Variants in ZNF239 observed in about 807,000 individuals in gnomAD.
ZNF239 encodes the protein zinc finger protein (C2H2) homologous to mouse MOK-2.
In ZNF239, 16 loss-of-function variants were observed where a neutral mutation model predicts 27.5. The ratio of observed to expected loss-of-function variants is 0.58; its 90% CI spans 0.39 to 0.88. ZNF239 has a LOEUF of 0.88. ZNF239 is among the 40% of genes least tolerant of loss of function. The probability of loss-of-function intolerance (pLI) is 0.00; values close to 1 mark genes in which losing one functional copy is unlikely to be tolerated. For synonymous variants in ZNF239, 199 were observed against 192.6 expected (o/e 1.03, Z -0.27); for missense variants, 527 against 551.9 (o/e 0.95, Z 0.45).
chr10:43,562,505 C>G (rs999633255), intron 3 of ZNF239, among the ~76,000 whole-genome samples: 1 of 152,096 alleles, frequency 6.6e-6, no homozygotes. Flanking sequence ...TCACTGTGCA[C>G]GTTTTATATT....
At chr10:43,574,341 C>T (rs1222669666) in intron 1 of ZNF239, among the ~76,000 whole-genome samples, 199 bp downstream of exon 1, 1 of 152,174 alleles carries the variant, frequency 6.6e-6, no homozygotes, top group Non-Finnish European at 1.5e-5. Flanking sequence ...GCAGCCCGGC[C>T]CCGGGGGCGC....
intron 2 of ZNF239, chr10:43,568,558 C>T (rs1035976322): frequency 8.4e-6 from 6 of 717,680 alleles, no homozygotes; most frequent in African/African-American, 1.9e-5. Flanking sequence ...CTCTTCTAAA[C>T]TAAGTAGTTG....
chr10:43,562,735 G>A lies in ZNF239; in HGVS notation c.-92-4564C>T, dbSNP rs866963312. The stretch of plus-strand genomic sequence containing the variant: ...TGTCCACACAACTTGTTTTACCCAG[G>A]TGAGTGTATCACTTTGTTTATAAAT... On this transcript the variant is annotated intron_variant, in intron 3 of 3. Transcript: ENST00000374446. 3.9e-5 allele frequency among the ~76,000 whole-genome samples: 6 copies of A among 152,270 alleles called. No individual in the cohort carries two copies. The South Asian group carries it at 8.3e-4, about 21-fold the overall frequency.
intron 2 of ZNF239, among the ~76,000 whole-genome samples, chr10:43,568,856 C>T: frequency 6.6e-6 from 1 of 152,152 alleles, no homozygotes; most frequent in East Asian, 1.9e-4. Context: ...TCGAGACCAG[C>T]CTGGCCAACA....
At chr10:43,571,550 GC>G (rs1262081501) in intron 2 of ZNF239, among the ~76,000 whole-genome samples, 1 of 151,934 alleles carries the variant, frequency 6.6e-6, no homozygotes, top group Non-Finnish European at 1.5e-5. Context: ...AAGGATAGGG[GC>G]TACACTCAAC....
intron 2 of ZNF239, among the ~76,000 whole-genome samples, chr10:43,572,028 G>A (rs60743321): frequency 0.012 from 1,891 of 152,238 alleles, 37 homozygotes; most frequent in African/African-American, 0.044. Context: ...TCATAAGGGC[G>A]AAGTGACTTA....
At chr10:43,565,755 C>T (rs1278870499) in intron 3 of ZNF239, among the ~76,000 whole-genome samples, 1 of 122,922 alleles carries the variant, frequency 8.1e-6, no homozygotes. Context: ...GCGGAGGTGG[C>T]AGTGAGCCCA....
chr10:43,571,846 C>T (rs2132310542), intron 2 of ZNF239, among the ~76,000 whole-genome samples: 1 of 152,242 alleles, frequency 6.6e-6, no homozygotes, highest in East Asian at 1.9e-4. Context: ...TGTGAGCCAC[C>T]ATGTCTGGCC....
At chr10:43,567,844 G>A (rs1232256426) in intron 3 of ZNF239, 55 bp downstream of exon 3, 2 of 915,766 alleles carry the variant, frequency 2.2e-6, no homozygotes, top group African/African-American at 3.6e-5. Flanking sequence ...CAAAAAGGAA[G>A]TAGGAAACAA....
chr10:43,559,915 G>A (rs1002464630), intron 3 of ZNF239, among the ~76,000 whole-genome samples: 4 of 152,114 alleles, frequency 2.6e-5, no homozygotes, highest in African/African-American at 7.2e-5. Flanking sequence ...TTCTTCGTGG[G>A]TAAAACATCC....
chr10:43,570,974 A>C (rs1837994803), intron 2 of ZNF239: 1 of 985,146 alleles, frequency 1.0e-6, no homozygotes, highest in African/African-American at 1.7e-5. Context: ...AAGGGAAAGG[A>C]GAAAAGGAAA....
In ZNF239 at chr10:43,556,598, C is replaced by T; in HGVS notation, c.*105G>A. On this transcript the variant is annotated 3_prime_UTR_variant, in exon 4 of 4. Transcript: ENST00000374446. The stretch of plus-strand genomic sequence containing the variant: ...TCAGTGAGGGAACATATCTAAATAA[C>T]CCTTACATCTCTCTCCTTTGTAGAA... The T allele has an allele frequency of 1.4e-6, 2 of 1,403,066 alleles. No individual in the cohort carries two copies. Among genetic ancestry groups the T allele is most frequent in the East Asian group, 2.3e-5 (1 of 42,728 alleles). 86.9% of individuals were successfully genotyped at this position (1,403,066 alleles called of 1,614,324 possible). A position where few individuals can be genotyped will look rare whatever the true frequency, so the allele number is the denominator to read the frequency against.
intron 3 of ZNF239, among the ~76,000 whole-genome samples, chr10:43,559,500 G>GC (rs887278391): frequency 6.6e-6 from 1 of 152,164 alleles, no homozygotes; most frequent in Non-Finnish European, 1.5e-5. Flanking sequence ...GATAGGAAAT[G>GC]CAACAGGAAG....
chr10:43,559,922 A>T (rs1035311497), intron 3 of ZNF239, among the ~76,000 whole-genome samples: 1 of 152,230 alleles, frequency 6.6e-6, no homozygotes. Flanking sequence ...TGGGTAAAAC[A>T]TCCTAAGAAA....
intron 3 of ZNF239, among the ~76,000 whole-genome samples, chr10:43,562,372 A>C (rs1837317281): frequency 6.6e-6 from 1 of 152,332 alleles, no homozygotes; most frequent in African/African-American, 2.4e-5. Flanking sequence ...TCCAACTTAG[A>C]GTTTTACTCT....
intron 2 of ZNF239, among the ~76,000 whole-genome samples, chr10:43,572,092 A>T (rs1838071025): frequency 6.6e-6 from 1 of 152,186 alleles, no homozygotes; most frequent in Non-Finnish European, 1.5e-5. Context: ...CTTTCAGCAG[A>T]CCTAAGGACA....
chr10:43,568,208 C>CGA (rs1837808684), intron 2 of ZNF239, 187 bp from the exon 3 acceptor site: 6 of 985,350 alleles, frequency 6.1e-6, no homozygotes, highest in Non-Finnish European at 7.2e-6. Context: ...TGGCTACTTC[C>CGA]ATCCAAATCA....
chr10:43,574,455 C>A (rs550004219), intron 1 of ZNF239, 85 bp downstream of exon 1: 1 of 152,256 alleles, frequency 6.6e-6, no homozygotes, highest in Admixed American at 6.5e-5. Context: ...CGCAGCTCGG[C>A]GGCCCAGCGC....
At chr10:43,567,479 T>C (rs1837753114) in intron 3 of ZNF239, among the ~76,000 whole-genome samples, 1 of 152,088 alleles carries the variant, frequency 6.6e-6, no homozygotes, top group Non-Finnish European at 1.5e-5. Context: ...ATAGGAAACA[T>C]CCTGGAAGTC....
Sources: allele counts gnomAD v4.1 joint callset (sites outside exome capture counted in the v4.1 genomes callset), GRCh38; gene constraint gnomAD v4.1.1; transcripts MANE v1.5; gene names NCBI Gene and HGNC (gene_info 2026-07-23, HGNC 2026-07-21).